Variants in ATP2C1 observed in about 807,000 individuals in gnomAD.
ATP2C1 encodes the protein ATPase secretory pathway Ca2+ transporting 1, also known as calcium-transporting ATPase type 2C member 1.
Under a neutral mutation model 120.5 loss-of-function variants are expected in ATP2C1, and 31 were observed. That is an observed-to-expected ratio of 0.26 (90% confidence interval 0.19 to 0.35). ATP2C1 has a LOEUF of 0.35. Among genes scored for constraint, ATP2C1 ranks in the 10% least tolerant of loss-of-function variants. The pLI is 1.00. For synonymous variants in ATP2C1, 351 were observed against 358.7 expected (o/e 0.98, Z 0.24); for missense variants, 731 against 1,107.5 (o/e 0.66, Z 4.83).
chr3:130,921,887 G>A (rs886077183), intron 2 of ATP2C1, among the ~76,000 whole-genome samples: 7 of 152,174 alleles, frequency 4.6e-5, no homozygotes, highest in African/African-American at 1.2e-4. Context: ...GGGAAGTTTT[G>A]CATCTATATT....
chr3:130,975,611 A>G, intron 18 of ATP2C1, 123 bp downstream of exon 18: 1 of 1,156,658 alleles, frequency 8.6e-7, no homozygotes, highest in South Asian at 1.3e-5. Flanking sequence ...AACCCTTGCC[A>G]GTATTGAGGT....
intron 21 of ATP2C1, among the ~76,000 whole-genome samples, 190 bp downstream of exon 21, chr3:130,993,191 G>A (rs566832253): frequency 6.6e-6 from 1 of 151,958 alleles, no homozygotes; most frequent in African/African-American, 2.4e-5. Flanking sequence ...AGATGTAGAA[G>A]AAAACTTGAA....
intron 26 of ATP2C1, 133 bp from the exon 27 acceptor site, chr3:130,999,385 A>G (rs1234508097): frequency 1.2e-6 from 1 of 807,304 alleles, no homozygotes; most frequent in Non-Finnish European, 2.0e-6. Context: ...AAAATTTAAG[A>G]TATTTCATAG....
At chr3:131,003,611 T>A (rs2062989788), downstream of ATP2C1, among the ~76,000 whole-genome samples, 1 of 152,178 alleles carries the variant, frequency 6.6e-6, no homozygotes, top group African/African-American at 2.4e-5. Context: ...TGCTGGACAT[T>A]GCATGACCCA....
upstream of ATP2C1, among the ~76,000 whole-genome samples, chr3:130,893,773 G>C (rs770762678): frequency 6.6e-6 from 1 of 152,322 alleles, no homozygotes; most frequent in Non-Finnish European, 1.5e-5. Flanking sequence ...TCGCGTTCAG[G>C]GGGTGCATAT....
intron 2 of ATP2C1, among the ~76,000 whole-genome samples, chr3:130,913,623 G>A (rs1391593742): frequency 2.6e-5 from 4 of 152,124 alleles, no homozygotes; most frequent in African/African-American, 9.7e-5. Flanking sequence ...TTTTTTTGGT[G>A]TGTGTATGGG....
intron 1 of ATP2C1, among the ~76,000 whole-genome samples, chr3:130,858,123 C>G (rs548134403): frequency 6.6e-6 from 1 of 152,302 alleles, no homozygotes; most frequent in Non-Finnish European, 1.5e-5. Context: ...CTGCTTTATT[C>G]TAGCTGTGCT....
At chr3:130,886,130 T>A (rs2068967083) in intron 1 of ATP2C1, among the ~76,000 whole-genome samples, 1 of 152,168 alleles carries the variant, frequency 6.6e-6, no homozygotes, top group Non-Finnish European at 1.5e-5. Flanking sequence ...AATTTTATTT[T>A]TTTCCTTTAG....
At chr3:130,851,327 C>T (rs112930104) in intron 1 of ATP2C1, among the ~76,000 whole-genome samples, 2,103 of 152,192 alleles carry the variant, frequency 0.014, 47 homozygotes, top group African/African-American at 0.048. Flanking sequence ...GTTTACATAG[C>T]CAGAATTTGC....
chr3:130,910,070 G>C lies in ATP2C1; in HGVS notation c.6+15295G>C, dbSNP rs144041613. On this transcript the variant is annotated intron_variant, in intron 2 of 27. Coordinates refer to ENST00000510168, the MANE Select transcript of ATP2C1 (RefSeq NM_001378687.1). ...GTATGCTTTTGTAAATGTTGAGGTG[G>C]TGGTATATTGCCTCTTCTCGTTGAT... Among the ~76,000 whole-genome samples, 772 of 152,170 alleles carry C rather than the reference G, an allele frequency of 5.1e-3. 8 individuals are homozygous for C. Among genetic ancestry groups the C allele is most frequent in the African/African-American group, 0.017 (716 of 41,514 alleles).
chr3:130,933,377 C>T (rs970136518), intron 4 of ATP2C1, among the ~76,000 whole-genome samples: 2 of 152,150 alleles, frequency 1.3e-5, no homozygotes, highest in Admixed American at 6.5e-5. Context: ...CAAAGTGTGA[C>T]GTTAATAGCT....
intron 17 of ATP2C1, among the ~76,000 whole-genome samples, chr3:130,972,525 C>T (rs72628535): frequency 4.7e-5 from 7 of 150,056 alleles, no homozygotes; most frequent in African/African-American, 4.9e-5. Context: ...CACAATGTGC[C>T]GGTTAGTTAC....
At chr3:130,995,860 G>A (rs1014022423) in intron 22 of ATP2C1, among the ~76,000 whole-genome samples, 183 bp from the exon 23 acceptor site, 13 of 152,228 alleles carry the variant, frequency 8.5e-5, no homozygotes, top group African/African-American at 2.9e-4. Context: ...TGGCCAGGCT[G>A]GTCCGAACTC....
At chr3:130,919,041 A>G (rs1035520346) in intron 2 of ATP2C1, 16 of 494,372 alleles carry the variant, frequency 3.2e-5, no homozygotes, top group Non-Finnish European at 4.4e-5. Context: ...AGCTCCTGCC[A>G]TTACACTGCA....
At chr3:130,945,953 C>CT (rs2060135839) in intron 8 of ATP2C1, among the ~76,000 whole-genome samples, 1 of 148,636 alleles carries the variant, frequency 6.7e-6, no homozygotes, top group Non-Finnish European at 1.5e-5. Context: ...TCAGCTATAA[C>CT]TTTCTAAGCC....
At chr3:130,993,585 A>G (rs977935923) in intron 21 of ATP2C1, among the ~76,000 whole-genome samples, 6 of 152,194 alleles carry the variant, frequency 3.9e-5, no homozygotes, top group African/African-American at 9.7e-5. Flanking sequence ...CCTTCCCACT[A>G]GGTGCCAGTA....
chr3:130,925,819 T>G (rs1479298031), intron 2 of ATP2C1, among the ~76,000 whole-genome samples: 1 of 151,282 alleles, frequency 6.6e-6, no homozygotes, highest in Non-Finnish European at 1.5e-5. Flanking sequence ...GGGGTGAGGG[T>G]GTGGTTCCCA....
intron 20 of ATP2C1, among the ~76,000 whole-genome samples, chr3:130,984,757 T>A (rs1379806197): frequency 6.6e-6 from 1 of 152,132 alleles, no homozygotes; most frequent in African/African-American, 2.4e-5. Flanking sequence ...AAAAATAATT[T>A]TAAAATAAAA....
chr3:130,906,499 A>G (rs2058126276), intron 2 of ATP2C1, among the ~76,000 whole-genome samples: 1 of 152,042 alleles, frequency 6.6e-6, no homozygotes, highest in African/African-American at 2.4e-5. Context: ...TTTTGTGTAA[A>G]CATGTTTTCA....
Sources: allele counts gnomAD v4.1 joint callset (sites outside exome capture counted in the v4.1 genomes callset), GRCh38; gene constraint gnomAD v4.1.1; transcripts MANE v1.5; gene names NCBI Gene and HGNC (gene_info 2026-07-23, HGNC 2026-07-21).